Variants in TGFB2 observed in about 807,000 individuals in gnomAD.
TGFB2 encodes the protein transforming growth factor beta 2, also known as transforming growth factor beta-2 proprotein.
In TGFB2, 13 loss-of-function variants were observed where a neutral mutation model predicts 42.7. The observed-to-expected ratio is 0.30, with a 90% CI of 0.20 to 0.48. TGFB2 has a LOEUF of 0.48. Among genes scored for constraint, TGFB2 ranks in the 20% least tolerant of loss-of-function variants. The probability of loss-of-function intolerance (pLI) is 0.99; values close to 1 mark genes in which losing one functional copy is unlikely to be tolerated. For missense variants in TGFB2, 390 were observed against 517.5 expected (o/e 0.75, Z 2.39); for synonymous variants, 193 against 193.6 (o/e 1.00, Z 0.03).
At chr1:218,388,079 C>A (rs575909750) in intron 1 of TGFB2, among the ~76,000 whole-genome samples, 1 of 152,072 alleles carries the variant, frequency 6.6e-6, no homozygotes, top group Non-Finnish European at 1.5e-5. Context: ...GAGGAATGGA[C>A]GTGGAATTAG....
At position 218,441,187 on chromosome 1, in the gene TGFB2, C is replaced by T. The variant is rs1210480871; in HGVS notation, c.1087-17C>T. The T allele has an allele frequency of 1.9e-6, 3 of 1,596,724 alleles. No individual in the cohort carries two copies. Among genetic ancestry groups the T allele is most frequent in the Non-Finnish European group, 2.6e-6 (3 of 1,175,890 alleles). Reference sequence around the variant, plus strand: ...CGTCTTTCCCTATGTTGTCTCTCCTCTCCTGTGTCCTTTCAGGTCCTGAGC... The same window carrying T: ...CGTCTTTCCCTATGTTGTCTCTCCTTTCCTGTGTCCTTTCAGGTCCTGAGC... On this transcript the variant is annotated splice_polypyrimidine_tract_variant and intron_variant, in intron 6 of 6. Transcript: ENST00000366930.
chr1:218,407,086 A>T (rs953770222), intron 2 of TGFB2, among the ~76,000 whole-genome samples: 5 of 152,154 alleles, frequency 3.3e-5, no homozygotes, highest in Admixed American at 2.6e-4. Context: ...TACTTAAAGC[A>T]GTCATTTTGT....
At chr1:218,390,700 T>C (rs1467901614) in intron 1 of TGFB2, among the ~76,000 whole-genome samples, 1 of 152,190 alleles carries the variant, frequency 6.6e-6, no homozygotes, top group Non-Finnish European at 1.5e-5. Flanking sequence ...GGCCCAACCT[T>C]GAAGAACAGA....
At position 218,360,263 on chromosome 1, in the gene TGFB2, C is replaced by T. The variant is rs569485339; in HGVS notation, c.346+13216C>T. The stretch of plus-strand genomic sequence containing the variant: ...AACACTGTGTATTTTTGTTTTGTTG[C>T]TTTATTTCTTAGCTGTGTCATTGCA... On this transcript the variant is annotated intron_variant, in intron 1 of 6. Transcript: ENST00000366930. 6.6e-5 allele frequency among the ~76,000 whole-genome samples: 10 copies of T among 152,268 alleles called. No homozygotes were observed. In the South Asian group the frequency reaches 1.7e-3, roughly 25 times the overall value.
intron 2 of TGFB2, among the ~76,000 whole-genome samples, chr1:218,417,592 G>A (rs1346123698): frequency 6.6e-6 from 1 of 152,204 alleles, no homozygotes; most frequent in African/African-American, 2.4e-5. Flanking sequence ...AAGTAATGAG[G>A]AGCCAAATGT....
chr1:218,386,413 T>C (rs1057481493), intron 1 of TGFB2, among the ~76,000 whole-genome samples: 1 of 152,186 alleles, frequency 6.6e-6, no homozygotes, highest in African/African-American at 2.4e-5. Flanking sequence ...AAGAAAGCCC[T>C]TTGTAAGTTG....
intron 2 of TGFB2, among the ~76,000 whole-genome samples, chr1:218,431,490 A>G (rs1486783379): frequency 6.6e-6 from 1 of 152,218 alleles, no homozygotes; most frequent in East Asian, 1.9e-4. Flanking sequence ...ACATATATAT[A>G]CACACATATA....
chr1:218,440,925 A>C (rs916696094), intron 6 of TGFB2, among the ~76,000 whole-genome samples: 1 of 123,480 alleles, frequency 8.1e-6, no homozygotes, highest in Non-Finnish European at 1.6e-5. Context: ...AAAAACCGGG[A>C]AAATCTGTTG....
intron 1 of TGFB2, among the ~76,000 whole-genome samples, chr1:218,383,849 C>G (rs1206914159): frequency 6.6e-6 from 1 of 152,190 alleles, no homozygotes; most frequent in African/African-American, 2.4e-5. Context: ...TTGGATTTCC[C>G]CATCTAGAAA....
At chr1:218,381,258 G>GTTTTTT (rs11405199) in intron 1 of TGFB2, among the ~76,000 whole-genome samples, 19 of 137,726 alleles carry the variant, frequency 1.4e-4, no homozygotes, top group Admixed American at 2.9e-4. Flanking sequence ...TTTTGTTTTT[G>GTTTTTT]TTTTTTTTTT....
At chr1:218,400,980 C>T (rs150246932) in intron 1 of TGFB2, among the ~76,000 whole-genome samples, 1 of 152,214 alleles carries the variant, frequency 6.6e-6, no homozygotes, top group African/African-American at 2.4e-5. Flanking sequence ...TGTGCATGCT[C>T]CATTGTCCCA....
At chr1:218,387,494 T>C (rs1658175972) in intron 1 of TGFB2, among the ~76,000 whole-genome samples, 1 of 152,140 alleles carries the variant, frequency 6.6e-6, no homozygotes, top group Admixed American at 6.5e-5. Flanking sequence ...TTTCTCACCT[T>C]GAACCCAGTA....
At position 218,378,948 on chromosome 1, in the gene TGFB2, C is replaced by T. The variant is rs188282732; in HGVS notation, c.347-26221C>T. ...TCCTCGCTGGGTCTGTGGCTATTAC[C>T]CTCCTGAGCAGCACCTTCTCAGGCC... On this transcript the variant is annotated intron_variant, in intron 1 of 6. Coordinates refer to ENST00000366930, the MANE Select transcript of TGFB2 (RefSeq NM_003238.6). Among the ~76,000 whole-genome samples the T allele has an allele frequency of 1.6e-3, 240 of 152,086 alleles. 3 individuals are homozygous for T. The highest frequency in any genetic ancestry group is 5.6e-3 in the African/African-American group (232 of 41,478).
chr1:218,375,398 CTTTCTGAACTTTTTT>C (rs1478270700), intron 1 of TGFB2, among the ~76,000 whole-genome samples: 2 of 132,686 alleles, frequency 1.5e-5, no homozygotes, highest in Admixed American at 7.3e-5. Flanking sequence ...GTCAGTTACC[CTTTCTGAACTTTTTT>C]TTTTTTCCTA....
chr1:218,400,426 C>A (rs57581337), intron 1 of TGFB2, among the ~76,000 whole-genome samples: 2,216 of 152,130 alleles, frequency 0.015, 42 homozygotes, highest in African/African-American at 0.049. Flanking sequence ...TGCCCTAAAA[C>A]TTGGAACATG....
intron 1 of TGFB2, among the ~76,000 whole-genome samples, chr1:218,404,158 G>A (rs1284738144): frequency 2.6e-5 from 4 of 151,918 alleles, no homozygotes; most frequent in Admixed American, 6.6e-5. Context: ...TATTGCCCAG[G>A]CTAGAGTATA....
chr1:218,379,218 C>T (rs543550155), intron 1 of TGFB2, among the ~76,000 whole-genome samples: 11 of 150,762 alleles, frequency 7.3e-5, no homozygotes, highest in South Asian at 4.2e-4. Context: ...CTGCAAGCTC[C>T]GCCTCCCGGG....
intron 1 of TGFB2, among the ~76,000 whole-genome samples, chr1:218,387,245 G>A (rs1241113694): frequency 6.6e-6 from 1 of 152,106 alleles, no homozygotes; most frequent in Non-Finnish European, 1.5e-5. Flanking sequence ...AGGGGTGGGA[G>A]GGGAGTGGAG....
intron 1 of TGFB2, among the ~76,000 whole-genome samples, chr1:218,383,637 G>T (rs1658035339): frequency 1.3e-5 from 2 of 152,206 alleles, no homozygotes; most frequent in Non-Finnish European, 1.5e-5. Context: ...AGTCCTTGCA[G>T]AAGCCCTTTG....
Sources: gnomAD v4.1 joint callset for allele counts (sites outside exome capture counted in the v4.1 genomes callset) on GRCh38, gnomAD v4.1.1 for gene constraint, MANE v1.5 for transcripts, NCBI Gene and HGNC (gene_info 2026-07-23, HGNC 2026-07-21) for gene names.